The following HECW2 variants were observed in gnomAD, a reference collection of about 807,000 sequenced individuals.
HECW2 encodes the protein E3 ubiquitin-protein ligase HECW2.
A neutral mutation model predicts 175.2 loss-of-function variants in HECW2; 61 were observed. The observed-to-expected ratio is 0.35, with a 90% confidence interval of 0.28 to 0.43. The LOEUF (loss-of-function observed/expected upper bound fraction) is 0.43. HECW2 is among the 20% of genes least tolerant of loss of function. The pLI, the probability that HECW2 is intolerant of heterozygous loss-of-function variation, is 1.00. For synonymous variants in HECW2, 671 were observed against 731.0 expected (o/e 0.92, Z 1.32); for missense variants, 1,524 against 2,000.5 (o/e 0.76, Z 4.54).
intron 3 of HECW2, among the ~76,000 whole-genome samples, chr2:196,337,006 T>G (rs141363225): frequency 7.0e-6 from 1 of 142,830 alleles, no homozygotes; most frequent in Admixed American, 6.7e-5. Context: ...GCTGGATCCT[T>G]CAGCAGGACA....
At chr2:196,205,843 A>C (rs750238173) in intron 28 of HECW2, among the ~76,000 whole-genome samples, 38 of 152,204 alleles carry the variant, frequency 2.5e-4, no homozygotes, top group Non-Finnish European at 3.8e-4. Context: ...TGATACCTAC[A>C]TTGGCTATTT....
intron 14 of HECW2, among the ~76,000 whole-genome samples, chr2:196,281,093 C>T (rs905266408): frequency 3.3e-5 from 5 of 152,126 alleles, no homozygotes; most frequent in Non-Finnish European, 7.4e-5. Context: ...ACATGTAGGT[C>T]AACTATGATT....
intron 17 of HECW2, among the ~76,000 whole-genome samples, chr2:196,265,683 T>C (rs902162530): frequency 3.9e-5 from 6 of 152,198 alleles, no homozygotes; most frequent in Non-Finnish European, 7.3e-5. Flanking sequence ...ACTACTAATA[T>C]AATATTGATT....
At chr2:196,356,478 C>T (rs774275443) in intron 2 of HECW2, among the ~76,000 whole-genome samples, 25 of 152,234 alleles carry the variant, frequency 1.6e-4, no homozygotes, top group Non-Finnish European at 2.9e-4. Flanking sequence ...TTGCATTGTC[C>T]CTTCCATCCC....
At chr2:196,241,826 A>G (rs1452350250) in intron 20 of HECW2, among the ~76,000 whole-genome samples, 2 of 152,216 alleles carry the variant, frequency 1.3e-5, no homozygotes, top group Non-Finnish European at 2.9e-5. Context: ...GAAAAAAATA[A>G]ATCAGCCTTT....
chr2:196,416,404 C>T (rs1695258410), intron 2 of HECW2, among the ~76,000 whole-genome samples: 2 of 152,098 alleles, frequency 1.3e-5, no homozygotes, highest in South Asian at 4.2e-4. Context: ...AAAACTGTGG[C>T]AGCTTTACAA....
rs1282151639 is a variant in HECW2 at position 196,554,153 on chromosome 2, C to T, written c.-36+39355G>A. Among the ~76,000 whole-genome samples the T allele has an allele frequency of 2.6e-5, 4 of 152,070 alleles. No individual in the cohort carries two copies. The East Asian group carries it at 5.8e-4, about 22-fold the overall frequency. ...GGAGATCGAGACCACGGTGAAACCC[C>T]GTCTCTACTAAAAATACAAAAAATT... On this transcript the variant is annotated intron_variant, in intron 1 of 28. Transcript: ENST00000644978.
intron 2 of HECW2, among the ~76,000 whole-genome samples, chr2:196,410,056 C>T (rs1002062464): frequency 3.3e-5 from 5 of 152,142 alleles, no homozygotes; most frequent in Admixed American, 2.6e-4. Context: ...CAACAGAGGA[C>T]TCCTCAAAAT....
At chr2:196,258,842 T>C (rs1238180817) in intron 17 of HECW2, among the ~76,000 whole-genome samples, 1 of 152,236 alleles carries the variant, frequency 6.6e-6, no homozygotes, top group Non-Finnish European at 1.5e-5. Flanking sequence ...CTGAGTGCTA[T>C]GGACAATATA....
intron 1 of HECW2, among the ~76,000 whole-genome samples, chr2:196,463,367 G>T (rs1575572472): frequency 2.7e-5 from 4 of 146,284 alleles, no homozygotes. Flanking sequence ...CGTCACGCAA[G>T]TCAGGCTGCA....
intron 2 of HECW2, among the ~76,000 whole-genome samples, chr2:196,427,201 G>A (rs532261616): frequency 3.2e-4 from 48 of 152,248 alleles, no homozygotes; most frequent in African/African-American, 1.1e-3. Flanking sequence ...TTTACATTTT[G>A]GAGAGAGCAC....
chr2:196,534,282 GA>G (rs61183032), intron 1 of HECW2, among the ~76,000 whole-genome samples: 37,812 of 145,322 alleles, frequency 0.26, 6,612 homozygotes, highest in African/African-American at 0.51. Context: ...TTTTGTGCAG[GA>G]AAAAAAAAAA....
intron 5 of HECW2, 73 bp downstream of exon 5, chr2:196,329,502 G>GA: frequency 8.0e-7 from 1 of 1,248,538 alleles, no homozygotes; most frequent in Non-Finnish European, 1.2e-6. Context: ...AAAGTCTGCA[G>GA]AAAGAAGTGA....
intron 2 of HECW2, among the ~76,000 whole-genome samples, chr2:196,344,370 A>G (rs1472470301): frequency 6.6e-6 from 1 of 150,678 alleles, no homozygotes. Flanking sequence ...TTTGTGTTGA[A>G]GAAGAATAGA....
intron 1 of HECW2, among the ~76,000 whole-genome samples, chr2:196,467,736 C>A (rs1391771410): frequency 6.6e-6 from 1 of 152,198 alleles, no homozygotes; most frequent in East Asian, 1.9e-4. Flanking sequence ...AAGATTTTCT[C>A]ATTTCTGAGC....
intron 1 of HECW2, among the ~76,000 whole-genome samples, chr2:196,502,339 T>C (rs1437145319): frequency 6.6e-6 from 1 of 152,208 alleles, no homozygotes; most frequent in Admixed American, 6.5e-5. Flanking sequence ...AGTGAAAATC[T>C]GAATTAAAAA....
chr2:196,272,929 A>T (rs894007220), intron 16 of HECW2, among the ~76,000 whole-genome samples: 7 of 151,764 alleles, frequency 4.6e-5, no homozygotes, highest in African/African-American at 1.7e-4. Context: ...TCAACCCTAC[A>T]TTTCTTCTTA....
At chr2:196,544,399 G>A (rs887973871) in intron 1 of HECW2, among the ~76,000 whole-genome samples, 2 of 152,174 alleles carry the variant, frequency 1.3e-5, no homozygotes, top group Admixed American at 1.3e-4. Context: ...GAAAGGGAAA[G>A]GAAGGGGAGA....
chr2:196,284,871 G>T (rs1690324336), intron 14 of HECW2, among the ~76,000 whole-genome samples: 1 of 152,108 alleles, frequency 6.6e-6, no homozygotes, highest in Non-Finnish European at 1.5e-5. Context: ...GAAAAATATG[G>T]AAAAATAGAT....
Sources: allele counts gnomAD v4.1 joint callset (sites outside exome capture counted in the v4.1 genomes callset), GRCh38; gene constraint gnomAD v4.1.1; transcripts MANE v1.5; gene names NCBI Gene and HGNC (gene_info 2026-07-23, HGNC 2026-07-21).